Variants in GABRG2 observed in about 807,000 individuals in gnomAD.
GABRG2 encodes gamma-aminobutyric acid receptor subunit gamma-2.
GABRG2 carries 16 observed loss-of-function variants against 56.4 expected under a neutral mutation model. That is an observed-to-expected ratio of 0.28 (90% confidence interval 0.19 to 0.43). GABRG2 has a LOEUF of 0.43. Ranked by LOEUF, GABRG2 falls within the 20% of genes least tolerant of loss-of-function variation. The probability of loss-of-function intolerance (pLI) is 1.00; values close to 1 mark genes in which losing one functional copy is unlikely to be tolerated. For synonymous variants in GABRG2, 208 were observed against 205.5 expected (o/e 1.01, Z -0.10); for missense variants, 327 against 582.7 (o/e 0.56, Z 4.52).
chr5:162,129,841 A>G (rs1044765073), intron 6 of GABRG2, among the ~76,000 whole-genome samples: 7 of 151,988 alleles, frequency 4.6e-5, no homozygotes, highest in African/African-American at 1.4e-4. Context: ...ATTTTTAAAT[A>G]TTAAAATTAT....
intron 3 of GABRG2, among the ~76,000 whole-genome samples, 166 bp from the exon 4 acceptor site, chr5:162,097,472 G>C (rs1761084110): frequency 6.6e-6 from 1 of 152,110 alleles, no homozygotes; most frequent in African/African-American, 2.4e-5. Flanking sequence ...CAAAAGATGG[G>C]TGAGACAGTA....
chr5:162,148,526 G>A (rs543003833), intron 7 of GABRG2, among the ~76,000 whole-genome samples: 26 of 152,034 alleles, frequency 1.7e-4, no homozygotes, highest in Non-Finnish European at 3.5e-4. Context: ...CCTGCAATTG[G>A]AATAAAATGT....
rs550879305 is a variant in GABRG2, at chr5:162,095,461, C to G, written c.260-34C>G. 3.1e-6 allele frequency: 4 copies of G among 1,310,496 alleles called. No homozygotes were observed. In the East Asian group the frequency reaches 7.0e-5, roughly 23 times the overall value. The allele number at this position is 1,310,496 out of a possible 1,614,324, so 81.2% of individuals were successfully genotyped here. A position where few individuals can be genotyped will look rare whatever the true frequency, so the allele number is the denominator to read the frequency against. On this transcript the variant is annotated intron_variant, in intron 2 of 9. Transcript: ENST00000639213. ...TAAAACATTAAAATCTTGCACCTCT[C>G]TATGTGCACACATTTCTATGTTTCT...
chr5:162,152,501 T>A (rs773268175), intron 9 of GABRG2: 2 of 452,072 alleles, frequency 4.4e-6, no homozygotes, highest in Non-Finnish European at 8.7e-6. Context: ...TTGTTGACAT[T>A]CTTAAGCTTA....
intron 6 of GABRG2, among the ~76,000 whole-genome samples, chr5:162,111,114 T>C (rs1762221510): frequency 6.6e-6 from 1 of 152,168 alleles, no homozygotes; most frequent in Non-Finnish European, 1.5e-5. Context: ...ACTTTCTTTA[T>C]AAATGAATAT....
intron 1 of GABRG2, among the ~76,000 whole-genome samples, chr5:162,087,164 A>G (rs1324873701): frequency 6.6e-6 from 1 of 152,082 alleles, no homozygotes; most frequent in African/African-American, 2.4e-5. Context: ...ATAATTTCAG[A>G]ACATAACCTG....
intron 7 of GABRG2, among the ~76,000 whole-genome samples, chr5:162,144,646 G>T (rs1764823707): frequency 6.6e-6 from 1 of 152,202 alleles, no homozygotes; most frequent in Admixed American, 6.5e-5. Flanking sequence ...AGGAAGTAGA[G>T]GTGCTGCAAG....
intron 6 of GABRG2, among the ~76,000 whole-genome samples, chr5:162,117,901 G>A (rs924742488): frequency 3.9e-5 from 6 of 152,034 alleles, no homozygotes; most frequent in East Asian, 1.9e-4. Context: ...TGATGATGAC[G>A]CAGATGCTAA....
In GABRG2 at chr5:162,123,862, A is replaced by T. The variant is rs987123110; in HGVS notation, c.770-18302A>T. Reference sequence around the variant, plus strand: ...GAATGTGTCCATAACCACTGTGTTAATGTTTTTGTTTGTGTGTGAAACATT... The same window carrying T: ...GAATGTGTCCATAACCACTGTGTTATTGTTTTTGTTTGTGTGTGAAACATT... On this transcript the variant is annotated intron_variant, in intron 6 of 9. Transcript: ENST00000639213. Among the ~76,000 whole-genome samples, 4 of 151,628 alleles carry T rather than the reference A, an allele frequency of 2.6e-5. No homozygotes were observed. The East Asian group carries it at 7.9e-4, about 30-fold the overall frequency.
intron 6 of GABRG2, among the ~76,000 whole-genome samples, chr5:162,121,748 G>T (rs934718674): frequency 6.6e-6 from 1 of 151,980 alleles, no homozygotes; most frequent in Non-Finnish European, 1.5e-5. Context: ...GTTGAAGGAG[G>T]TAACTAGAAG....
chr5:162,130,265 G>C (rs576964587), intron 6 of GABRG2, among the ~76,000 whole-genome samples: 2 of 151,926 alleles, frequency 1.3e-5, no homozygotes, highest in Non-Finnish European at 2.9e-5. Flanking sequence ...GTAAGGTCAA[G>C]TTTTTAAACC....
chr5:162,100,210 G>C (rs948206387), intron 4 of GABRG2: 1 of 151,812 alleles, frequency 6.6e-6, no homozygotes, highest in African/African-American at 2.4e-5. Context: ...AGTTAATTAA[G>C]GTCTCAATAA....
chr5:162,112,843 C>T (rs1435705586), intron 6 of GABRG2, among the ~76,000 whole-genome samples: 1 of 152,078 alleles, frequency 6.6e-6, no homozygotes, highest in East Asian at 1.9e-4. Context: ...AGTAGTACAT[C>T]CAGCAAAACA....
intron 7 of GABRG2, 133 bp downstream of exon 7, chr5:162,142,449 C>A: frequency 2.1e-6 from 2 of 959,228 alleles, no homozygotes; most frequent in Non-Finnish European, 3.2e-6. Context: ...GTTTCATATT[C>A]AAGAGAACTG....
At chr5:162,115,647 A>G (rs529913707) in intron 6 of GABRG2, among the ~76,000 whole-genome samples, 156 of 152,260 alleles carry the variant, frequency 1.0e-3, no homozygotes, top group Non-Finnish European at 1.7e-3. Context: ...TGGCTGTGAC[A>G]TGGCTTTCAG....
At position 162,144,907 on chromosome 5, in the gene GABRG2, C is replaced by A. The variant is rs79780075; in HGVS notation, c.922+2591C>A. Among the ~76,000 whole-genome samples the A allele has an allele frequency of 4.9e-3, 745 of 152,220 alleles. 36 individuals carry two copies. In the East Asian group the frequency reaches 0.11, roughly 22 times the overall value. ...GAAGTGCAGATTCCTTAGTTCAACC[C>A]CAGGAAATGCTTATCTAATGTGTCT... On this transcript the variant is annotated intron_variant, in intron 7 of 9. Transcript: ENST00000639213.
At chr5:162,089,907 A>T (rs1300620929) in intron 1 of GABRG2, among the ~76,000 whole-genome samples, 1 of 152,190 alleles carries the variant, frequency 6.6e-6, no homozygotes, top group African/African-American at 2.4e-5. Flanking sequence ...TTAAAATTCC[A>T]GAAACTGCAT....
chr5:162,142,079 G>T, intron 6 of GABRG2, 85 bp from the exon 7 acceptor site: 3 of 1,437,734 alleles, frequency 2.1e-6, no homozygotes, highest in Non-Finnish European at 2.9e-6. Context: ...AAATGTGTGT[G>T]CATAACCATT....
intron 1 of GABRG2, among the ~76,000 whole-genome samples, chr5:162,080,009 A>C (rs1033941862): frequency 4.6e-5 from 7 of 152,162 alleles, no homozygotes; most frequent in African/African-American, 1.7e-4. Context: ...GAAATAAGCT[A>C]ACATAAGATA....
Sources: allele counts gnomAD v4.1 joint callset (sites outside exome capture counted in the v4.1 genomes callset), GRCh38; gene constraint gnomAD v4.1.1; transcripts MANE v1.5; gene names NCBI Gene and HGNC (gene_info 2026-07-23, HGNC 2026-07-21).